The following IRAG1 variants were observed in gnomAD, a reference collection of about 807,000 sequenced individuals.
IRAG1 encodes inositol 1,4,5-triphosphate receptor associated 1, also known as IP3R-associated cGMP kinase substrate.
IRAG1 carries 62 observed loss-of-function variants against 106.2 expected under a neutral mutation model. The ratio of observed to expected loss-of-function variants is 0.58; its 90% CI spans 0.48 to 0.72. IRAG1 has a LOEUF of 0.72. IRAG1 is among the 30% of genes least tolerant of loss of function. IRAG1 has a pLI of 0.00. For missense variants in IRAG1, 1,064 were observed against 1,140.7 expected (o/e 0.93, Z 0.97); for synonymous variants, 462 against 443.9 (o/e 1.04, Z -0.51).
At chr11:10,642,080 C>A (rs1423172684) in intron 2 of IRAG1, among the ~76,000 whole-genome samples, 1 of 152,184 alleles carries the variant, frequency 6.6e-6, no homozygotes, top group Admixed American at 6.5e-5. Flanking sequence ...GAACACACAG[C>A]TGGAGAAAAG....
At chr11:10,616,135 C>T (rs1366515286) in intron 10 of IRAG1, among the ~76,000 whole-genome samples, 1 of 151,230 alleles carries the variant, frequency 6.6e-6, no homozygotes. Context: ...GAAACCCTAG[C>T]TCTACTAAAA....
At chr11:10,607,965 C>T (rs114928554) in intron 11 of IRAG1, among the ~76,000 whole-genome samples, 3,078 of 152,258 alleles carry the variant, frequency 0.02, 103 homozygotes, top group African/African-American at 0.071. Context: ...AATGATTTGG[C>T]AAAACTTGCC....
At chr11:10,662,089 C>T (rs148275541) in intron 1 of IRAG1, among the ~76,000 whole-genome samples, 45 of 152,196 alleles carry the variant, frequency 3.0e-4, no homozygotes, top group Admixed American at 9.8e-4. Flanking sequence ...TGAATGACAC[C>T]GTATTTCTAA....
intron 1 of IRAG1, among the ~76,000 whole-genome samples, chr11:10,656,836 G>T (rs1357960315): frequency 6.6e-6 from 1 of 152,116 alleles, no homozygotes; most frequent in African/African-American, 2.4e-5. Flanking sequence ...TTCACCAGGA[G>T]TTCTGCTTGA....
chr11:10,675,989 T>G (rs1053740638), intron 1 of IRAG1, among the ~76,000 whole-genome samples: 2 of 152,230 alleles, frequency 1.3e-5, no homozygotes, highest in African/African-American at 4.8e-5. Flanking sequence ...TGGCCTCCCA[T>G]CTAACAATTA....
intron 20 of IRAG1, 147 bp from the exon 21 acceptor site, chr11:10,576,722 AT>A (rs1317298709): frequency 1.1e-6 from 1 of 950,468 alleles, no homozygotes; most frequent in Non-Finnish European, 1.6e-6. Context: ...GTTGGCAGCA[AT>A]TGTTCAAAAT....
chr11:10,609,923 G>A (rs760883385), intron 10 of IRAG1, 72 bp from the exon 11 acceptor site: 23 of 1,480,658 alleles, frequency 1.6e-5, no homozygotes, highest in Admixed American at 5.9e-5. Context: ...CTAGCTTCAG[G>A]AGCTTTGACA....
chr11:10,672,494 C>T (rs1467968684), intron 1 of IRAG1, among the ~76,000 whole-genome samples: 1 of 152,118 alleles, frequency 6.6e-6, no homozygotes, highest in East Asian at 1.9e-4. Flanking sequence ...ACAAGTAATA[C>T]AATTTTTAAA....
Position 10,657,376 on chromosome 11 carries a change from A to G in IRAG1, c.68-5194T>C, listed in dbSNP as rs1045329992. 2.0e-5 allele frequency among the ~76,000 whole-genome samples: 3 copies of G among 152,186 alleles called. No individual in the cohort carries two copies. The highest frequency in any genetic ancestry group is 2.9e-5 in the Non-Finnish European group (2 of 68,038). ...AAGCCTGTTCTCGGCAGGCAGCAGCAGCCTCTCATCATGGCGCCAAAGATG... is the reference window on the plus strand; with the variant it reads ...AAGCCTGTTCTCGGCAGGCAGCAGCGGCCTCTCATCATGGCGCCAAAGATG... On this transcript the variant is annotated intron_variant, in intron 1 of 20. Coordinates refer to ENST00000423302, the MANE Select transcript of IRAG1 (RefSeq NM_130385.4). The surrounding 1 kb of genome is among the most constrained non-coding windows in gnomAD (Gnocchi z 4.1).
In IRAG1 at chr11:10,628,884, G is replaced by T; in HGVS notation, c.575-56C>A. The T allele has an allele frequency of 6.7e-7, 1 of 1,487,354 alleles. No homozygotes were observed. The allele number at this position is 1,487,354 out of a possible 1,614,324, so 92.1% of individuals were successfully genotyped here. A position where few individuals can be genotyped will look rare whatever the true frequency, so the allele number is the denominator to read the frequency against. ...TCATGAAGGTTTAGGACTTCAACCT[G>T]GCAAAGGCATCCTTTTAGGTATTCC... On this transcript the variant is annotated intron_variant, in intron 5 of 20. Coordinates refer to ENST00000423302, the MANE Select transcript of IRAG1 (RefSeq NM_130385.4). The surrounding 1 kb of genome is among the most constrained non-coding windows in gnomAD (Gnocchi z 4.1).
intron 4 of IRAG1, among the ~76,000 whole-genome samples, chr11:10,631,023 G>A (rs570597368): frequency 4.6e-5 from 7 of 152,350 alleles, no homozygotes; most frequent in East Asian, 1.9e-4. Flanking sequence ...CTGATGGGGC[G>A]TAAGCTTGGA....
At chr11:10,683,378 T>G (rs988604389) in intron 1 of IRAG1, among the ~76,000 whole-genome samples, 2 of 145,054 alleles carry the variant, frequency 1.4e-5, no homozygotes, top group African/African-American at 5.1e-5. Flanking sequence ...AAAAAAAAAG[T>G]ACAATGAAAA....
intron 1 of IRAG1, among the ~76,000 whole-genome samples, chr11:10,655,937 GC>G (rs1858887394): frequency 6.6e-6 from 1 of 152,140 alleles, no homozygotes; most frequent in African/African-American, 2.4e-5. Flanking sequence ...CCTCAGGGGA[GC>G]CCCAGCAGCC....
intron 1 of IRAG1, among the ~76,000 whole-genome samples, chr11:10,678,007 A>G (rs375256712): frequency 6.1e-4 from 80 of 130,184 alleles, no homozygotes; most frequent in African/African-American, 1.9e-3. Flanking sequence ...CTATCTCTCT[A>G]TCTGTCTATC....
rs140893596 is a variant in IRAG1, at chr11:10,618,922, G to A, written c.1447+4856C>T. ...AGATTTGCCTTCTAGAGATCCCTGC[G>A]GCTGCTGTGTTGGCCATGGTGTGAG... is the stretch of plus-strand genomic sequence containing the variant. On this transcript the variant is annotated intron_variant, in intron 10 of 20. Coordinates refer to ENST00000423302, the MANE Select transcript of IRAG1 (RefSeq NM_130385.4). Among the ~76,000 whole-genome samples the A allele has an allele frequency of 2.2e-3, 338 of 152,250 alleles. 1 individual carries two copies. The highest frequency in any genetic ancestry group is 7.7e-3 in the African/African-American group (319 of 41,542).
At chr11:10,640,199 C>A (rs1857418732) in intron 2 of IRAG1, among the ~76,000 whole-genome samples, 1 of 152,174 alleles carries the variant, frequency 6.6e-6, no homozygotes, top group African/African-American at 2.4e-5. Flanking sequence ...TGAAGCAAAG[C>A]TCTCCTGACT....
chr11:10,609,753 G>T lies in IRAG1; in HGVS notation c.1546C>A (p.Arg516=), dbSNP rs1477038266. 4.3e-6 allele frequency: 7 copies of T among 1,613,626 alleles called. No individual in the cohort carries two copies. In the East Asian group the frequency reaches 1.6e-4, roughly 36 times the overall value. The change falls in exon 11 of 21, where the codon CGG becomes AGG. Residue 516 remains arginine (R), a synonymous_variant. Transcript: ENST00000423302. The part of the protein sequence containing the change: ...NISDVLLRKL[R]VHRSLPGSAP... Reference sequence around the variant, plus strand: ...CTTCCAGGGAGACTCCTGTGGACCCGCAGTTTGCGCAGCAGCACATCAGAA... The same window carrying T: ...CTTCCAGGGAGACTCCTGTGGACCCTCAGTTTGCGCAGCAGCACATCAGAA...
intron 8 of IRAG1, 53 bp from the exon 9 acceptor site, chr11:10,626,636 A>G: frequency 6.6e-7 from 1 of 1,525,574 alleles, no homozygotes; most frequent in Non-Finnish European, 8.8e-7. Context: ...GAGGGGAAAC[A>G]GGTGAGGCCA....
chr11:10,666,975 C>T (rs1034684940), intron 1 of IRAG1, among the ~76,000 whole-genome samples: 2 of 152,160 alleles, frequency 1.3e-5, no homozygotes, highest in African/African-American at 2.4e-5. Context: ...CCCAGGGTAG[C>T]CCCCAGGCTC....
Sources: allele counts gnomAD v4.1 joint callset (sites outside exome capture counted in the v4.1 genomes callset), GRCh38; gene constraint gnomAD v4.1.1; non-coding constraint Gnocchi (gnomAD v3.1); transcripts MANE v1.5; gene names NCBI Gene and HGNC (gene_info 2026-07-23, HGNC 2026-07-21).